The following CDH23 variants were observed in gnomAD, a reference collection of about 807,000 sequenced individuals.
CDH23 encodes cadherin-23.
CDH23 carries 189 observed loss-of-function variants against 317.1 expected under a neutral mutation model. That is an observed-to-expected ratio of 0.60 (90% confidence interval 0.53 to 0.67). The LOEUF (loss-of-function observed/expected upper bound fraction) is 0.67, where lower values mean the gene tolerates loss of function less well. CDH23 is among the 30% of genes least tolerant of loss of function. The pLI is 0.00. For missense variants in CDH23, 4,401 were observed against 4,592.4 expected (o/e 0.96, Z 1.20); for synonymous variants, 1,839 against 1,876.8 (o/e 0.98, Z 0.52).
At chr10:71,657,207 G>A (rs2132623058) in intron 14 of CDH23, among the ~76,000 whole-genome samples, 2 of 152,374 alleles carry the variant, frequency 1.3e-5, no homozygotes, top group African/African-American at 4.8e-5. Flanking sequence ...GCGGGGTTGG[G>A]GTCCTGCCTC....
chr10:71,655,985 C>T (rs1313451599), intron 14 of CDH23, among the ~76,000 whole-genome samples: 1 of 152,198 alleles, frequency 6.6e-6, no homozygotes, highest in Non-Finnish European at 1.5e-5. Flanking sequence ...CAAGGCCTGG[C>T]TTCCAGGCCA....
chr10:71,641,749 G>T (rs762408690), intron 11 of CDH23, among the ~76,000 whole-genome samples: 2 of 152,080 alleles, frequency 1.3e-5, no homozygotes, highest in African/African-American at 4.8e-5. Flanking sequence ...TCCTCCACCC[G>T]AAATCCCTTT....
At chr10:71,743,210 T>C (rs1267401802) in intron 38 of CDH23, among the ~76,000 whole-genome samples, 4 of 152,188 alleles carry the variant, frequency 2.6e-5, no homozygotes, top group Admixed American at 1.3e-4. Context: ...AAAGTCACAC[T>C]GCAAAGAGTG....
intron 9 of CDH23, among the ~76,000 whole-genome samples, chr10:71,604,894 T>C (rs1236156922): frequency 1.3e-5 from 2 of 152,310 alleles, no homozygotes; most frequent in South Asian, 2.1e-4. Context: ...CCTTCCTTCA[T>C]CCTAGCTGAT....
At chr10:71,431,518 G>A (rs964899873) in intron 1 of CDH23, among the ~76,000 whole-genome samples, 1 of 152,216 alleles carries the variant, frequency 6.6e-6, no homozygotes. Context: ...ATCTGCAGGC[G>A]CCTTCTTGCA....
At chr10:71,790,860 T>C in intron 46 of CDH23, 1 of 544,210 alleles carries the variant, frequency 1.8e-6, no homozygotes, top group Non-Finnish European at 3.3e-6. Context: ...GTCAACCCTG[T>C]GCCCTGGGTC....
chr10:71,461,821 T>C (rs1387932689), intron 3 of CDH23, among the ~76,000 whole-genome samples: 1 of 152,226 alleles, frequency 6.6e-6, no homozygotes, highest in African/African-American at 2.4e-5. Flanking sequence ...ACCAAGGTTA[T>C]AGTCCAACCC....
chr10:71,805,857 G>A lies in CDH23; in HGVS notation c.7924G>A (p.Glu2642Lys). Reference sequence around the variant, plus strand: ...CGAGGTCTACGCCACGGACAAGGATGAGGGCCTCAACGGGGCGGTGCGCTA... The same window carrying A: ...CGAGGTCTACGCCACGGACAAGGATAAGGGCCTCAACGGGGCGGTGCGCTA... ...VYEVYATDKD[E>K]GLNGAVRYSF... Residue 2642 changes from glutamate (E) to lysine (K), a missense_variant, in exon 56 of 70, where the codon GAG (glutamate) becomes AAG (lysine). By Grantham distance (56) the Glu-to-Lys change is moderately conservative. Coordinates refer to ENST00000224721, the MANE Select transcript of CDH23 (RefSeq NM_022124.6). The A allele has an allele frequency of 1.2e-6, 2 of 1,613,834 alleles. No individual in the cohort carries two copies. Among genetic ancestry groups the A allele is most frequent in the Non-Finnish European group, 1.7e-6 (2 of 1,179,858 alleles).
rs114604270 is a variant in CDH23, at chr10:71,475,606, G to A, written c.145+29211G>A. 5.9e-3 allele frequency among the ~76,000 whole-genome samples: 895 copies of A among 152,322 alleles called. 12 individuals carry two copies. Among genetic ancestry groups the A allele is most frequent in the African/African-American group, 0.02 (849 of 41,570 alleles). On this transcript the variant is annotated intron_variant, in intron 3 of 69. Coordinates refer to ENST00000224721, the MANE Select transcript of CDH23 (RefSeq NM_022124.6). Reference sequence around the variant, plus strand: ...AAGGTCTGTCATCCTGTATGCCCGCGTGACAATTGAAAACAGTGTGAGGCC... The same window carrying A: ...AAGGTCTGTCATCCTGTATGCCCGCATGACAATTGAAAACAGTGTGAGGCC...
intron 14 of CDH23, among the ~76,000 whole-genome samples, chr10:71,669,858 G>A (rs946654051): frequency 9.9e-5 from 15 of 152,232 alleles, no homozygotes; most frequent in Admixed American, 3.3e-4. Flanking sequence ...TTACTAGGCC[G>A]GGCAAGGTGG....
intron 1 of CDH23, among the ~76,000 whole-genome samples, chr10:71,426,062 C>T (rs1420414371): frequency 1.3e-5 from 2 of 152,132 alleles, no homozygotes; most frequent in Non-Finnish European, 2.9e-5. Context: ...TCCTGGCTCC[C>T]CTCCCACCCC....
chr10:71,526,250 A>G (rs577888819), intron 6 of CDH23, among the ~76,000 whole-genome samples: 10 of 152,312 alleles, frequency 6.6e-5, no homozygotes, highest in African/African-American at 1.9e-4. Context: ...GCTTCAGATG[A>G]GCCTAGCAAA....
At position 71,510,139 on chromosome 10, in the gene CDH23, G is replaced by C; in HGVS notation, c.203G>C (p.Gly68Ala). The change falls in exon 4 of 70, where the codon GGC (glycine) becomes GCC (alanine). Residue 68 changes from glycine to alanine, a missense_variant. Gly to Ala is a moderately conservative substitution (Grantham distance 60). This residue lies in a region of CDH23 where 3,068 missense variants were observed against 3,203.3 expected (regional missense o/e 0.96). Coordinates refer to ENST00000224721, the MANE Select transcript of CDH23 (RefSeq NM_022124.6). Reference protein sequence around the residue: ...QDMDNDPLVFGVSGEEASRFF... With the variant: ...QDMDNDPLVFAVSGEEASRFF... ...ATGGACAATGACCCCCTGGTGTTTG[G>C]CGTGTCTGGGGAGGAGGCCTCTCGC... 6.2e-7 allele frequency: 1 copy of C among 1,614,024 alleles called. No homozygotes were observed. Among genetic ancestry groups the C allele is most frequent in the Non-Finnish European group, 8.5e-7 (1 of 1,179,894 alleles).
At chr10:71,660,219 A>G (rs553632531) in intron 14 of CDH23, among the ~76,000 whole-genome samples, 79 of 152,174 alleles carry the variant, frequency 5.2e-4, no homozygotes, top group African/African-American at 1.9e-3. Flanking sequence ...TCGGCCTCCC[A>G]AAGTGAGTGA....
intron 11 of CDH23, among the ~76,000 whole-genome samples, chr10:71,636,829 G>T (rs1862298985): frequency 1.3e-5 from 2 of 152,228 alleles, no homozygotes; most frequent in South Asian, 4.1e-4. Context: ...GGAGCCATGA[G>T]TGGCGGGGCA....
intron 6 of CDH23, among the ~76,000 whole-genome samples, chr10:71,535,318 G>A (rs1294494385): frequency 2.0e-5 from 3 of 152,120 alleles, no homozygotes; most frequent in Non-Finnish European, 4.4e-5. Flanking sequence ...ACCGGGAGGA[G>A]GGTGAGCTCT....
intron 3 of CDH23, among the ~76,000 whole-genome samples, chr10:71,499,049 T>C (rs929582760): frequency 3.3e-5 from 5 of 152,216 alleles, no homozygotes; most frequent in Non-Finnish European, 7.3e-5. Flanking sequence ...GTGGTATATA[T>C]ACACAATGGA....
intron 1 of CDH23, among the ~76,000 whole-genome samples, chr10:71,404,169 T>C (rs1451151801): frequency 1.3e-5 from 2 of 152,166 alleles, no homozygotes; most frequent in Admixed American, 6.5e-5. Context: ...GTGGAAGTGG[T>C]GAATTTTCGC....
At chr10:71,620,060 A>C (rs1861388195) in intron 11 of CDH23, among the ~76,000 whole-genome samples, 1 of 152,216 alleles carries the variant, frequency 6.6e-6, no homozygotes, top group African/African-American at 2.4e-5. Flanking sequence ...GCACAGGTGG[A>C]CAGGGAAACC....
Sources: allele counts gnomAD v4.1 joint callset (sites outside exome capture counted in the v4.1 genomes callset), GRCh38; gene constraint gnomAD v4.1.1; regional missense constraint gnomAD v4.1.1; transcripts MANE v1.5; gene names NCBI Gene and HGNC (gene_info 2026-07-23, HGNC 2026-07-21).